CYRIA: variants seen among roughly 807,000 people sequenced by gnomAD.
The protein encoded by CYRIA is CYFIP related Rac1 interactor A.
In CYRIA, 15 loss-of-function variants were observed where a neutral mutation model predicts 43.9. That is an observed-to-expected ratio of 0.34 (90% CI 0.23 to 0.53). The LOEUF (loss-of-function observed/expected upper bound fraction) is 0.53, where lower values mean the gene tolerates loss of function less well. Among genes scored for constraint, CYRIA ranks in the 20% least tolerant of loss-of-function variants. The pLI, the probability that CYRIA is intolerant of heterozygous loss-of-function variation, is 0.94. For synonymous variants in CYRIA, 117 were observed against 136.0 expected (o/e 0.86, Z 0.97); for missense variants, 236 against 394.2 (o/e 0.60, Z 3.40).
chr2:16,563,661 A>G (rs1666828603), intron 5 of CYRIA, among the ~76,000 whole-genome samples: 1 of 152,216 alleles, frequency 6.6e-6, no homozygotes, highest in Non-Finnish European at 1.5e-5. Context: ...GTGAGCAGGT[A>G]ACCTGTTATC....
At chr2:16,643,844 A>C (rs562042865) in intron 1 of CYRIA, among the ~76,000 whole-genome samples, 2 of 152,370 alleles carry the variant, frequency 1.3e-5, no homozygotes, top group Non-Finnish European at 2.9e-5. Flanking sequence ...ATCAAAGAAT[A>C]TATTTTGAGA....
chr2:16,616,497 A>G lies in CYRIA; in HGVS notation c.-11+7367T>C, dbSNP rs557884711. ...TCTGAGAGGACTCCTCGCTCAGAGG[A>G]CCTTCCTGCCTCTGGAATCCTAAGA... On this transcript the variant is annotated intron_variant, in intron 2 of 11. Coordinates refer to ENST00000381323, the MANE Select transcript of CYRIA (RefSeq NM_030797.4). 2.0e-5 allele frequency among the ~76,000 whole-genome samples: 3 copies of G among 152,144 alleles called. No homozygotes were observed. The South Asian group carries it at 6.2e-4, about 32-fold the overall frequency.
chr2:16,581,438 T>A (rs1667545980), intron 3 of CYRIA, among the ~76,000 whole-genome samples: 1 of 152,092 alleles, frequency 6.6e-6, no homozygotes, highest in Non-Finnish European at 1.5e-5. Flanking sequence ...GGAAAATGAC[T>A]GACAATACCA....
intron 2 of CYRIA, among the ~76,000 whole-genome samples, chr2:16,616,254 G>T (rs1323265397): frequency 2.6e-5 from 4 of 152,146 alleles, no homozygotes; most frequent in African/African-American, 7.2e-5. Context: ...TGCTCCTGGG[G>T]CCTGCAGGCA....
rs566112905 is a variant in CYRIA at position 16,607,958 on chromosome 2, C to T, written c.-11+15906G>A. Among the ~76,000 whole-genome samples the T allele has an allele frequency of 1.1e-4, 17 of 152,294 alleles. No homozygotes were observed. The East Asian group carries it at 1.9e-3, about 17-fold the overall frequency. On this transcript the variant is annotated intron_variant, in intron 2 of 11. Coordinates refer to ENST00000381323, the MANE Select transcript of CYRIA (RefSeq NM_030797.4). ...CCTTGAACGCCTAAAGACGGCCTAT[C>T]GTTTCTCCCAGTAACCTCCTCCCCA...
rs117801866 is a variant in CYRIA at position 16,649,646 on chromosome 2, G to A, written c.-167+16134C>T. ...ACAGGAGACAGTTGTACAGTACAGG[G>A]CATGATTGTACAGCACAGGGAACAG... On this transcript the variant is annotated intron_variant, in intron 1 of 11. Transcript: ENST00000381323. Among the ~76,000 whole-genome samples the A allele has an allele frequency of 6.5e-3, 986 of 151,980 alleles. 44 individuals are homozygous for A. In the East Asian group the frequency reaches 0.11, roughly 16 times the overall value.
chr2:16,634,136 A>G (rs1669421480), intron 1 of CYRIA, among the ~76,000 whole-genome samples: 1 of 152,194 alleles, frequency 6.6e-6, no homozygotes, highest in African/African-American at 2.4e-5. Context: ...GTTGACAGCC[A>G]GCCGATCCAC....
chr2:16,642,219 G>T (rs1669696806), intron 1 of CYRIA, among the ~76,000 whole-genome samples: 1 of 152,044 alleles, frequency 6.6e-6, no homozygotes, highest in African/African-American at 2.4e-5. Flanking sequence ...AGTCTACTCA[G>T]AAGCTACACT....
At chr2:16,629,734 T>A (rs1433494862) in intron 1 of CYRIA, among the ~76,000 whole-genome samples, 1 of 152,214 alleles carries the variant, frequency 6.6e-6, no homozygotes, top group Non-Finnish European at 1.5e-5. Context: ...AAGTGATGAT[T>A]TTTTGGTAAA....
chr2:16,653,054 A>C (rs1407339348), intron 1 of CYRIA, among the ~76,000 whole-genome samples: 1 of 152,236 alleles, frequency 6.6e-6, no homozygotes, highest in Non-Finnish European at 1.5e-5. Context: ...TTTCTATCCC[A>C]GACCCTTTGC....
intron 3 of CYRIA, among the ~76,000 whole-genome samples, chr2:16,573,997 G>A (rs1667234340): frequency 6.6e-6 from 1 of 152,184 alleles, no homozygotes; most frequent in Admixed American, 6.5e-5. Context: ...ACAGTTTGGA[G>A]GACTCAGAAG....
rs1666334256 is a variant in CYRIA at position 16,552,087 on chromosome 2, A to G, written c.*849T>C. On this transcript the variant is annotated 3_prime_UTR_variant, in exon 12 of 12. Coordinates refer to ENST00000381323, the MANE Select transcript of CYRIA (RefSeq NM_030797.4). ...CTGTGCACCCAGAACTCTGCAGGTA[A>G]CTGGAAGGTTGCTAAACTCACAAAT... The G allele has an allele frequency of 6.6e-6, 1 of 152,176 alleles. No individual in the cohort carries two copies. Among genetic ancestry groups the G allele is most frequent in the Non-Finnish European group, 1.5e-5 (1 of 68,076 alleles). The allele number at this position is 152,176 out of a possible 1,614,324, so 9.4% of individuals were successfully genotyped here. A position where few individuals can be genotyped will look rare whatever the true frequency, so the allele number is the denominator to read the frequency against.
intron 3 of CYRIA, among the ~76,000 whole-genome samples, chr2:16,575,697 T>C (rs1431723393): frequency 6.6e-6 from 1 of 151,372 alleles, no homozygotes; most frequent in Non-Finnish European, 1.5e-5. Context: ...CTACTAAAAA[T>C]ACAAAAAAAT....
intron 2 of CYRIA, among the ~76,000 whole-genome samples, chr2:16,622,409 T>C (rs972746109): frequency 2.0e-5 from 3 of 152,170 alleles, no homozygotes; most frequent in African/African-American, 7.2e-5. Flanking sequence ...TTTAAATCGT[T>C]GGGGCTTAAC....
intron 1 of CYRIA, among the ~76,000 whole-genome samples, chr2:16,629,710 G>T (rs1266412831): frequency 1.3e-5 from 2 of 152,212 alleles, no homozygotes. Flanking sequence ...CCTGTTTTGT[G>T]TAGGGGCTTC....
chr2:16,655,147 G>A (rs909676226), intron 1 of CYRIA, among the ~76,000 whole-genome samples: 7 of 152,188 alleles, frequency 4.6e-5, no homozygotes, highest in African/African-American at 1.7e-4. Context: ...TCACTCGCTC[G>A]CCCCAAGTGA....
chr2:16,661,770 C>T (rs1253401417), intron 1 of CYRIA, among the ~76,000 whole-genome samples: 1 of 152,162 alleles, frequency 6.6e-6, no homozygotes, highest in Non-Finnish European at 1.5e-5. Flanking sequence ...TACTACGGCA[C>T]AAAGAGCAAG....
intron 2 of CYRIA, among the ~76,000 whole-genome samples, chr2:16,611,901 G>C (rs1668616097): frequency 6.6e-6 from 1 of 152,190 alleles, no homozygotes; most frequent in Non-Finnish European, 1.5e-5. Context: ...TGTTGAAGTA[G>C]TGGGACCAGA....
chr2:16,604,946 G>A (rs1668342809), intron 2 of CYRIA, among the ~76,000 whole-genome samples: 1 of 152,246 alleles, frequency 6.6e-6, no homozygotes, highest in Non-Finnish European at 1.5e-5. Context: ...ATAAAAATGA[G>A]TTAATGGCTA....
Sources: allele counts gnomAD v4.1 joint callset (sites outside exome capture counted in the v4.1 genomes callset), GRCh38; gene constraint gnomAD v4.1.1; transcripts MANE v1.5; gene names NCBI Gene and HGNC (gene_info 2026-07-23, HGNC 2026-07-21).